Variants in LANCL2 observed in about 807,000 individuals in gnomAD.
LANCL2 encodes lanC-like protein 2.
LANCL2 carries 33 observed loss-of-function variants against 56.9 expected under a neutral mutation model. The observed-to-expected ratio is 0.58, with a 90% CI of 0.44 to 0.78. LANCL2 has a LOEUF of 0.78. Among genes scored for constraint, LANCL2 ranks in the 30% least tolerant of loss-of-function variants. The probability of loss-of-function intolerance (pLI) is 0.00; values close to 1 mark genes in which losing one functional copy is unlikely to be tolerated. For synonymous variants in LANCL2, 233 were observed against 228.2 expected (o/e 1.02, Z -0.19); for missense variants, 562 against 580.2 (o/e 0.97, Z 0.32).
chr7:55,377,471 C>G (rs1790016292), intron 1 of LANCL2, among the ~76,000 whole-genome samples: 4 of 152,104 alleles, frequency 2.6e-5, no homozygotes, highest in Admixed American at 2.0e-4. Context: ...CCTATTCCCC[C>G]TTCCCCCTCC....
At chr7:55,386,885 C>T (rs1417988641) in intron 1 of LANCL2, among the ~76,000 whole-genome samples, 1 of 152,094 alleles carries the variant, frequency 6.6e-6, no homozygotes, top group African/African-American at 2.4e-5. Flanking sequence ...GAGAAAGGGA[C>T]TTGTTAGAGA....
chr7:55,408,916 A>C (rs1790440993), intron 5 of LANCL2, among the ~76,000 whole-genome samples: 1 of 145,788 alleles, frequency 6.9e-6, no homozygotes, highest in Non-Finnish European at 1.5e-5. Flanking sequence ...CAGGAGGTGG[A>C]GGTTGCAGTG....
chr7:55,379,212 A>T (rs941111166), intron 1 of LANCL2, among the ~76,000 whole-genome samples: 1 of 152,216 alleles, frequency 6.6e-6, no homozygotes, highest in African/African-American at 2.4e-5. Flanking sequence ...TTAGTAGCAT[A>T]TGCTTTGGAA....
intron 1 of LANCL2, among the ~76,000 whole-genome samples, chr7:55,380,250 G>T (rs1192167099): frequency 6.6e-6 from 1 of 152,258 alleles, no homozygotes; most frequent in African/African-American, 2.4e-5. Flanking sequence ...AAATATGCAC[G>T]TTGAAATCCT....
At chr7:55,390,518 A>T (rs2128992696) in intron 1 of LANCL2, among the ~76,000 whole-genome samples, 1 of 152,312 alleles carries the variant, frequency 6.6e-6, no homozygotes, top group East Asian at 1.9e-4. Context: ...AGGCAGGAGA[A>T]TCGCTTGAAG....
intron 6 of LANCL2, among the ~76,000 whole-genome samples, chr7:55,418,723 GAA>G (rs34335564): frequency 6.6e-6 from 1 of 151,890 alleles, no homozygotes; most frequent in Non-Finnish European, 1.5e-5. Flanking sequence ...CACAATCATA[GAA>G]AAAAATATTA....
rs567898135 is a variant in LANCL2 at position 55,405,241 on chromosome 7, A to G, written c.825+3921A>G. 1.1e-3 allele frequency among the ~76,000 whole-genome samples: 168 copies of G among 152,290 alleles called. 1 individual carries two copies. The highest frequency in any genetic ancestry group is 3.6e-3 in the African/African-American group (151 of 41,568). Reference sequence around the variant, plus strand: ...GACTGTTGCCCTGGTTGAAGCCGGCAGGCAGGAAGGAACAGATGTTTTCTT... The same window carrying G: ...GACTGTTGCCCTGGTTGAAGCCGGCGGGCAGGAAGGAACAGATGTTTTCTT... On this transcript the variant is annotated intron_variant, in intron 5 of 8. Coordinates refer to ENST00000254770, the MANE Select transcript of LANCL2 (RefSeq NM_018697.4).
intron 1 of LANCL2, among the ~76,000 whole-genome samples, chr7:55,369,016 T>C (rs981400572): frequency 6.6e-5 from 10 of 151,886 alleles, no homozygotes; most frequent in African/African-American, 2.2e-4. Context: ...GAAAGAGACA[T>C]AGGGAGAAAG....
chr7:55,425,133 C>A, intron 6 of LANCL2, 121 bp from the exon 7 acceptor site: 2 of 894,350 alleles, frequency 2.2e-6, no homozygotes, highest in Non-Finnish European at 3.4e-6. Flanking sequence ...CTGTTTTTCA[C>A]CCCCAGTGCC....
At chr7:55,404,724 C>G (rs1475673568) in intron 5 of LANCL2, among the ~76,000 whole-genome samples, 2 of 152,066 alleles carry the variant, frequency 1.3e-5, no homozygotes, top group Non-Finnish European at 2.9e-5. Context: ...AGCCATTCTT[C>G]TGCCTTAGCC....
chr7:55,387,642 A>G (rs1462016904), intron 1 of LANCL2, among the ~76,000 whole-genome samples: 1 of 151,998 alleles, frequency 6.6e-6, no homozygotes, highest in Non-Finnish European at 1.5e-5. Context: ...TTTAACATAG[A>G]GGATTAATGT....
In LANCL2 at chr7:55,398,448, G is replaced by C; in HGVS notation, c.348G>C (p.Leu116Phe). The C allele has an allele frequency of 6.2e-7, 1 of 1,614,102 alleles. No homozygotes were observed. Residue 116 changes from leucine (L) to phenylalanine (F), a missense_variant, in exon 3 of 9, where the codon TTG becomes TTC. Around this residue, in one of 2 missense-constraint regions of LANCL2, gnomAD observed 378 missense variants for 468.4 expected, o/e 0.81. Coordinates refer to ENST00000254770, the MANE Select transcript of LANCL2 (RefSeq NM_018697.4). The part of the protein sequence containing the change: ...WTGIALLYLQ[L>F]YRVTCDQTYL... ...GCATAGCCCTTTTGTACCTGCAGTT[G>C]TACCGGGTCACATGTGACCAAACCT...
At chr7:55,414,134 A>G (rs1583761765) in intron 6 of LANCL2, among the ~76,000 whole-genome samples, 1 of 152,354 alleles carries the variant, frequency 6.6e-6, no homozygotes, top group African/African-American at 2.4e-5. Flanking sequence ...GTAAAAATAC[A>G]TCTTCTTCAT....
intron 6 of LANCL2, among the ~76,000 whole-genome samples, chr7:55,419,128 C>T (rs76167633): frequency 5.9e-5 from 9 of 152,110 alleles, no homozygotes; most frequent in East Asian, 5.8e-4. Context: ...ATGCTGGTCA[C>T]GTACATGAGT....
chr7:55,403,824 C>T (rs748616087), intron 5 of LANCL2, among the ~76,000 whole-genome samples: 2 of 152,026 alleles, frequency 1.3e-5, no homozygotes, highest in Non-Finnish European at 1.5e-5. Context: ...CCCACGTCAG[C>T]CTCCCAAAAT....
At chr7:55,428,108 C>T (rs1790684985) in intron 7 of LANCL2, 2 of 515,356 alleles carry the variant, frequency 3.9e-6, no homozygotes, top group East Asian at 3.1e-5. Context: ...CCAGGGAGAA[C>T]AGAGTGTCGT....
chr7:55,403,419 A>G (rs1302751215), intron 5 of LANCL2, among the ~76,000 whole-genome samples: 1 of 151,706 alleles, frequency 6.6e-6, no homozygotes, highest in Non-Finnish European at 1.5e-5. Flanking sequence ...GCTCGGCATC[A>G]GGGGGAGACC....
In LANCL2 at chr7:55,366,133, G is replaced by C; in HGVS notation, c.108G>C (p.Gly36=). 1 of 1,547,738 alleles carries C rather than the reference G, an allele frequency of 6.5e-7. No individual in the cohort carries two copies. Among genetic ancestry groups the C allele is most frequent in the South Asian group, 1.2e-5 (1 of 83,916 alleles). The part of the protein sequence containing the change: ...NPFPDYEAAA[G]ALLASGAAEE... Reference sequence around the variant, plus strand: ...TCCCGGACTACGAGGCCGCCGCCGGGGCGCTGCTCGCCTCCGGAGCGGCCG... The same window carrying C: ...TCCCGGACTACGAGGCCGCCGCCGGCGCGCTGCTCGCCTCCGGAGCGGCCG... The change falls in exon 1 of 9, where the codon GGG becomes GGC. Residue 36 remains glycine (G), a synonymous_variant. Coordinates refer to ENST00000254770, the MANE Select transcript of LANCL2 (RefSeq NM_018697.4).
intron 5 of LANCL2, among the ~76,000 whole-genome samples, chr7:55,411,168 G>A (rs1195880782): frequency 6.6e-6 from 1 of 152,132 alleles, no homozygotes; most frequent in East Asian, 1.9e-4. Context: ...CTTCTCACCA[G>A]GTTTTTTCAT....
Sources: allele counts gnomAD v4.1 joint callset (sites outside exome capture counted in the v4.1 genomes callset), GRCh38; gene constraint gnomAD v4.1.1; regional missense constraint gnomAD v4.1.1; transcripts MANE v1.5; gene names NCBI Gene and HGNC (gene_info 2026-07-23, HGNC 2026-07-21).